The following GRHL2 variants were observed in gnomAD, a reference collection of about 807,000 sequenced individuals.
The protein encoded by GRHL2 is grainyhead-like protein 2 homolog.
Under a neutral mutation model 83.8 loss-of-function variants are expected in GRHL2, and 21 were observed. The ratio of observed to expected loss-of-function variants is 0.25; its 90% CI spans 0.18 to 0.36. GRHL2 has a LOEUF of 0.36. Among genes scored for constraint, GRHL2 ranks in the 10% least tolerant of loss-of-function variants. The probability of loss-of-function intolerance (pLI) is 1.00; values close to 1 mark genes in which losing one functional copy is unlikely to be tolerated. For missense variants in GRHL2, 623 were observed against 781.8 expected (o/e 0.80, Z 2.42); for synonymous variants, 280 against 278.9 (o/e 1.00, Z -0.04).
chr8:101,649,485 G>A lies in GRHL2; in HGVS notation c.1684G>A (p.Gly562Ser). The part of the protein sequence containing the change: ...ALMLKSPTVK[G>S]LMEAISEKYG... Reference sequence around the variant, plus strand: ...GATGTTGAAGTCTCCCACAGTGAAGGGCCTGATGGAAGCGGTAAGCCATAT... The same window carrying A: ...GATGTTGAAGTCTCCCACAGTGAAGAGCCTGATGGAAGCGGTAAGCCATAT... Residue 562 changes from glycine to serine, a missense_variant, in exon 14 of 16, where the codon GGC becomes AGC. Coordinates refer to ENST00000646743, the MANE Select transcript of GRHL2 (RefSeq NM_024915.4). The A allele has an allele frequency of 6.2e-7, 1 of 1,613,468 alleles. No individual in the cohort carries two copies. Among genetic ancestry groups the A allele is most frequent in the Non-Finnish European group, 8.5e-7 (1 of 1,179,518 alleles).
At chr8:101,552,255 G>T (rs914332088) in intron 2 of GRHL2, among the ~76,000 whole-genome samples, 4 of 152,218 alleles carry the variant, frequency 2.6e-5, no homozygotes, top group African/African-American at 9.6e-5. Flanking sequence ...CCGTGCCTAA[G>T]CACTCCCAAC....
At chr8:101,546,476 C>T (rs1313149343) in intron 2 of GRHL2, among the ~76,000 whole-genome samples, 1 of 150,938 alleles carries the variant, frequency 6.6e-6, no homozygotes, top group African/African-American at 2.4e-5. Context: ...GTGGCATGAT[C>T]TCAGCTCACT....
chr8:101,533,797 G>A (rs1031580207), intron 1 of GRHL2, among the ~76,000 whole-genome samples: 2 of 152,152 alleles, frequency 1.3e-5, no homozygotes, highest in African/African-American at 2.4e-5. Context: ...AGAACATTCT[G>A]GGAAGATGAA....
chr8:101,557,529 A>T (rs1473488552), intron 3 of GRHL2, among the ~76,000 whole-genome samples: 1 of 152,050 alleles, frequency 6.6e-6, no homozygotes, highest in Non-Finnish European at 1.5e-5. Flanking sequence ...TGACAACAAT[A>T]CTTCCTTAAT....
chr8:101,625,588 G>T (rs1813065178), intron 9 of GRHL2, among the ~76,000 whole-genome samples: 1 of 152,060 alleles, frequency 6.6e-6, no homozygotes. Context: ...GTTTCCTGAA[G>T]TCATGTTAAG....
At chr8:101,506,100 T>C (rs1810336072) in intron 1 of GRHL2, among the ~76,000 whole-genome samples, 1 of 152,256 alleles carries the variant, frequency 6.6e-6, no homozygotes, top group Admixed American at 6.5e-5. Flanking sequence ...TTGTACTGCA[T>C]ATTTAATGAA....
chr8:101,664,083 A>T (rs1813988311), intron 14 of GRHL2, among the ~76,000 whole-genome samples: 1 of 152,306 alleles, frequency 6.6e-6, no homozygotes, highest in African/African-American at 2.4e-5. Context: ...TTCACATGTA[A>T]ATCTTTGATC....
intron 1 of GRHL2, among the ~76,000 whole-genome samples, chr8:101,501,409 C>A (rs1260848118): frequency 6.6e-6 from 1 of 152,132 alleles, no homozygotes; most frequent in East Asian, 1.9e-4. Flanking sequence ...ATATAACTAA[C>A]CCTGAGAGCC....
chr8:101,520,066 CCCTATCT>C (rs1261206462), intron 1 of GRHL2, among the ~76,000 whole-genome samples: 3 of 152,172 alleles, frequency 2.0e-5, no homozygotes, highest in Admixed American at 2.0e-4. Flanking sequence ...AATTTGTTTG[CCCTATCT>C]CCTTTTCTAG....
chr8:101,672,182 C>A (rs1425149299), downstream of GRHL2, among the ~76,000 whole-genome samples: 2 of 151,700 alleles, frequency 1.3e-5, no homozygotes, highest in East Asian at 3.8e-4. Flanking sequence ...TCCTCATCAG[C>A]AGCGGAACAA....
chr8:101,565,652 C>T, intron 4 of GRHL2, among the ~76,000 whole-genome samples: 1 of 152,178 alleles, frequency 6.6e-6, no homozygotes, highest in Non-Finnish European at 1.5e-5. Flanking sequence ...GTCATATTGA[C>T]TAGTTGACCT....
chr8:101,493,456 C>T (rs1810015564), intron 1 of GRHL2, among the ~76,000 whole-genome samples: 1 of 140,608 alleles, frequency 7.1e-6, no homozygotes, highest in African/African-American at 2.6e-5. Flanking sequence ...TCCCCCGGGT[C>T]CGCCCCCGCA....
At chr8:101,570,263 T>C in intron 4 of GRHL2, 76 bp from the exon 5 acceptor site, 1 of 1,108,114 alleles carries the variant, frequency 9.0e-7, no homozygotes, top group Non-Finnish European at 1.4e-6. Context: ...TAAAATAGTT[T>C]GGATACATTT....
chr8:101,623,343 A>C (rs1448720366), intron 9 of GRHL2, among the ~76,000 whole-genome samples: 1 of 152,252 alleles, frequency 6.6e-6, no homozygotes, highest in Admixed American at 6.5e-5. Flanking sequence ...AGTTTAGGAC[A>C]GTTCAGAGTA....
In GRHL2 at chr8:101,668,098, C is replaced by T. The variant is rs1347436022; in HGVS notation, c.*1395C>T. 6.6e-6 allele frequency: 1 copy of T among 152,478 alleles called. No individual in the cohort carries two copies. Among genetic ancestry groups the T allele is most frequent in the Non-Finnish European group, 1.5e-5 (1 of 68,128 alleles). 9.4% of individuals were successfully genotyped at this position (152,478 alleles called of 1,614,324 possible). A position where few individuals can be genotyped will look rare whatever the true frequency, so the allele number is the denominator to read the frequency against. On this transcript the variant is annotated 3_prime_UTR_variant, in exon 16 of 16. Transcript: ENST00000646743. ...CAGGAGGGAAACTGGGAGAGAGAAG[C>T]TGTGGTCTCCTGCTACATGCCCTGG...
chr8:101,618,812 A>T (rs1283326758), intron 8 of GRHL2, among the ~76,000 whole-genome samples: 1 of 152,142 alleles, frequency 6.6e-6, no homozygotes, highest in African/African-American at 2.4e-5. Flanking sequence ...GTTTCAATGC[A>T]ATAATGTGCA....
Position 101,493,593 on chromosome 8 carries a change from C to T in GRHL2, c.20+804C>T, listed in dbSNP as rs545760179. Reference sequence around the variant, plus strand: ...GGGCGCCTGCCACTGAGCGATTCACCCGCGCCCCCGACGGCGTCTGCACGC... The same window carrying T: ...GGGCGCCTGCCACTGAGCGATTCACTCGCGCCCCCGACGGCGTCTGCACGC... On this transcript the variant is annotated intron_variant, in intron 1 of 15. Transcript: ENST00000646743. 3.4e-4 allele frequency among the ~76,000 whole-genome samples: 52 copies of T among 152,268 alleles called. No homozygotes were observed. In the East Asian group the frequency reaches 0.01, roughly 30 times the overall value.
intron 1 of GRHL2, among the ~76,000 whole-genome samples, chr8:101,516,142 C>A (rs543001705): frequency 1.3e-5 from 2 of 152,226 alleles, no homozygotes; most frequent in South Asian, 4.1e-4. Context: ...AGGTCCGGTG[C>A]CCATTTGCCT....
At chr8:101,529,088 G>T in intron 1 of GRHL2, 1 of 381,226 alleles carries the variant, frequency 2.6e-6, no homozygotes, top group South Asian at 2.1e-5. Flanking sequence ...TCTTTGACAG[G>T]GATTTCTATG....
Sources: allele counts gnomAD v4.1 joint callset (sites outside exome capture counted in the v4.1 genomes callset), GRCh38; gene constraint gnomAD v4.1.1; transcripts MANE v1.5; gene names NCBI Gene and HGNC (gene_info 2026-07-23, HGNC 2026-07-21).